NEK3: variants seen among roughly 807,000 people sequenced by gnomAD.
The protein encoded by NEK3 is NIMA related kinase 3, also known as serine/threonine-protein kinase Nek3.
In NEK3, 54 loss-of-function variants were observed where a neutral mutation model predicts 66.0. The ratio of observed to expected loss-of-function variants is 0.82; its 90% CI spans 0.66 to 1.03. NEK3 has a LOEUF of 1.03. Ranked by LOEUF, NEK3 falls within the 50% of genes least tolerant of loss-of-function variation. NEK3 has a pLI of 0.00. For synonymous variants in NEK3, 200 were observed against 206.2 expected (o/e 0.97, Z 0.26); for missense variants, 593 against 603.0 (o/e 0.98, Z 0.17).
At chr13:52,145,738 A>G (rs1167347957) in intron 8 of NEK3, among the ~76,000 whole-genome samples, 1 of 152,242 alleles carries the variant, frequency 6.6e-6, no homozygotes, top group Non-Finnish European at 1.5e-5. Context: ...TAACATTTTT[A>G]AAGTTTTCCA....
Position 52,154,168 on chromosome 13 carries a change from GA to G in NEK3, c.122del (p.Phe41SerfsTer14). 6.3e-7 allele frequency: 1 copy of G among 1,585,664 alleles called. No homozygotes were observed. The highest frequency in any genetic ancestry group is 8.6e-7 in the Non-Finnish European group (1 of 1,160,694). On this transcript the variant is annotated frameshift_variant, in exon 3 of 16. Coordinates refer to ENST00000610828, the MANE Select transcript of NEK3 (RefSeq NM_002498.3). LOFTEE classifies it high-confidence loss of function. Reference sequence around the variant, plus strand: ...CCTTCCTAGAATTCTGTGTATTAGAGAAAGACTAGAAAAACATTTTAAATAA... The same window carrying G: ...CCTTCCTAGAATTCTGTGTATTAGAGAAGACTAGAAAAACATTTTAAATAA... ...AMKEIRLPKS[F>X]SNTQNSRKEA...
At chr13:52,156,402 G>GT in intron 1 of NEK3, 154 bp from the exon 2 acceptor site, 1 of 388,468 alleles carries the variant, frequency 2.6e-6, no homozygotes, top group African/African-American at 2.1e-5. Flanking sequence ...CCACTTTCAT[G>GT]TAAGAATTGT....
chr13:52,148,354 C>T (rs1411237796), intron 8 of NEK3, 61 bp downstream of exon 8: 5 of 1,497,534 alleles, frequency 3.3e-6, no homozygotes, highest in Admixed American at 1.8e-5. Context: ...GAATCTGTCA[C>T]ATTATTAGGG....
At chr13:52,152,423 C>T (rs1381452181) in intron 5 of NEK3, among the ~76,000 whole-genome samples, 186 bp downstream of exon 5, 1 of 152,046 alleles carries the variant, frequency 6.6e-6, no homozygotes, top group East Asian at 1.9e-4. Flanking sequence ...CATAAACATA[C>T]ATAATTTTTG....
rs3831081 is a variant in NEK3 at position 52,133,615 on chromosome 13, T to TCACACACACACA, written c.1436+62_1436+73dup. The TCACACACACACA allele has an allele frequency of 1.0e-3, 1,369 of 1,309,236 alleles. 1 individual carries two copies. The highest frequency in any genetic ancestry group is 2.9e-3 in the African/African-American group (187 of 64,936). The allele number at this position is 1,309,236 out of a possible 1,614,324, so 81.1% of individuals were successfully genotyped here. On this transcript the variant is annotated intron_variant, in intron 15 of 15. Coordinates refer to ENST00000610828, the MANE Select transcript of NEK3 (RefSeq NM_002498.3). ...TGAAATTATCATGGTCTAATTTAAA[T>TCACACACACACA]CACACACACACACACACACACACAC... is the stretch of plus-strand genomic sequence containing the variant.
At chr13:52,145,549 A>G (rs930780081) in intron 8 of NEK3, among the ~76,000 whole-genome samples, 1 of 151,952 alleles carries the variant, frequency 6.6e-6, no homozygotes, top group Non-Finnish European at 1.5e-5. Flanking sequence ...CTGGGCTCAA[A>G]CGATCCTCCC....
intron 7 of NEK3, among the ~76,000 whole-genome samples, chr13:52,149,588 C>T (rs993542392): frequency 6.6e-6 from 1 of 151,920 alleles, no homozygotes; most frequent in East Asian, 1.9e-4. Flanking sequence ...AAAGGTTGCC[C>T]GCCGGGCATG....
At chr13:52,150,663 C>CTATCACAAGTGT (rs67011609) in intron 7 of NEK3, among the ~76,000 whole-genome samples, 2 of 26,676 alleles carry the variant, frequency 7.5e-5, no homozygotes, top group African/African-American at 1.4e-4. Context: ...ATCAACTTAC[C>CTATCACAAGTGT]TTATAATCTA....
chr13:52,148,881 T>C (rs1196921298), intron 7 of NEK3, among the ~76,000 whole-genome samples: 4 of 152,054 alleles, frequency 2.6e-5, no homozygotes, highest in Non-Finnish European at 5.9e-5. Context: ...GCTGGATGGC[T>C]CTAAGGGATA....
In NEK3 at chr13:52,144,859, G is replaced by C. The variant is rs1228305139; in HGVS notation, c.636C>G (p.Leu212=). The change falls in exon 9 of 16, where the codon CTC becomes CTG. Residue 212 remains leucine, a synonymous_variant. Coordinates refer to ENST00000610828, the MANE Select transcript of NEK3 (RefSeq NM_002498.3). ...GACTGATGCACCCTTGACATACTTT[G>C]AGGATAAGATTTTTCCAACTATTTG... is the stretch of plus-strand genomic sequence containing the variant. ...FQANSWKNLI[L]KVCQGCISPL... is the part of the protein sequence containing the mutation. 1 of 1,609,738 alleles carries C rather than the reference G, an allele frequency of 6.2e-7. No individual in the cohort carries two copies.
At chr13:52,144,440 C>T (rs1276722553) in intron 9 of NEK3, among the ~76,000 whole-genome samples, 1 of 151,932 alleles carries the variant, frequency 6.6e-6, no homozygotes, top group African/African-American at 2.4e-5. Flanking sequence ...CATATAATTT[C>T]GATAGACAAA....
intron 11 of NEK3, 125 bp downstream of exon 11, chr13:52,140,895 A>C (rs1343374114): frequency 3.1e-6 from 2 of 648,212 alleles, no homozygotes; most frequent in Non-Finnish European, 5.0e-6. Context: ...GGCTCACTGC[A>C]ACCTCCGCCT....
At chr13:52,143,058 G>C (rs1218490228) in intron 10 of NEK3, among the ~76,000 whole-genome samples, 1 of 152,120 alleles carries the variant, frequency 6.6e-6, no homozygotes, top group Non-Finnish European at 1.5e-5. Flanking sequence ...TTTAAGAGCA[G>C]ATCCACCCAG....
intron 9 of NEK3, 26 bp from the exon 10 acceptor site, chr13:52,144,013 A>G (rs1257734407): frequency 2.3e-6 from 3 of 1,305,766 alleles, no homozygotes; most frequent in Non-Finnish European, 3.2e-6. Context: ...GAGAATTTAG[A>G]GATGTGAAAA....
At chr13:52,146,122 T>C (rs1003732937) in intron 8 of NEK3, among the ~76,000 whole-genome samples, 11 of 152,202 alleles carry the variant, frequency 7.2e-5, no homozygotes, top group Admixed American at 2.0e-4. Flanking sequence ...TTGTCGAATC[T>C]TGCTTAAGAA....
At chr13:52,158,526 C>A (rs908371948) in intron 1 of NEK3, among the ~76,000 whole-genome samples, 1 of 152,144 alleles carries the variant, frequency 6.6e-6, no homozygotes, top group Non-Finnish European at 1.5e-5. Context: ...TTCTTCGGGG[C>A]TTTATTCTAT....
At chr13:52,144,123 G>C (rs1196921684) in intron 9 of NEK3, 136 bp from the exon 10 acceptor site, 2 of 583,510 alleles carry the variant, frequency 3.4e-6, no homozygotes, top group Non-Finnish European at 5.9e-6. Flanking sequence ...ACTTTAAAAA[G>C]TACATACAGG....
At chr13:52,140,433 C>A (rs1956239172) in intron 11 of NEK3, among the ~76,000 whole-genome samples, 3 of 151,838 alleles carry the variant, frequency 2.0e-5, no homozygotes, top group African/African-American at 7.3e-5. Flanking sequence ...ACAGTGAAAC[C>A]CTGTCTCTAC....
chr13:52,145,689 G>C (rs1184010815), intron 8 of NEK3, among the ~76,000 whole-genome samples: 2 of 152,134 alleles, frequency 1.3e-5, no homozygotes, highest in Non-Finnish European at 2.9e-5. Flanking sequence ...ATGAAAATTT[G>C]ATGAGTAACA....
Sources: gnomAD v4.1 joint callset for allele counts (sites outside exome capture counted in the v4.1 genomes callset) on GRCh38, gnomAD v4.1.1 for gene constraint, MANE v1.5 for transcripts, NCBI Gene and HGNC (gene_info 2026-07-23, HGNC 2026-07-21) for gene names.